Variants in CLTCL1 observed in about 807,000 individuals in gnomAD.
The protein encoded by CLTCL1 is clathrin heavy chain like 1.
Under a neutral mutation model 190.0 loss-of-function variants are expected in CLTCL1, and 159 were observed. That is an observed-to-expected ratio of 0.84 (90% CI 0.74 to 0.95). The LOEUF (loss-of-function observed/expected upper bound fraction) is 0.95, where lower values mean the gene tolerates loss of function less well. CLTCL1 is among the 40% of genes least tolerant of loss of function. CLTCL1 has a pLI of 0.00. For missense variants in CLTCL1, 1,878 were observed against 2,033.4 expected, an observed-to-expected ratio of 0.92 and a Z score of 1.47; for synonymous variants, 752 against 769.6, an observed-to-expected ratio of 0.98 and a Z score of 0.38.
intron 23 of CLTCL1, among the ~76,000 whole-genome samples, chr22:19,200,956 T>G (rs905164979): frequency 6.6e-6 from 1 of 152,250 alleles, no homozygotes; most frequent in Non-Finnish European, 1.5e-5. Context: ...TTTTTTCTAC[T>G]TGAAGATGGA....
chr22:19,183,584 G>A lies in CLTCL1; in HGVS notation c.4633C>T (p.Arg1545Trp), dbSNP rs781967644. 29 of 1,613,520 alleles carry A rather than the reference G, an allele frequency of 1.8e-5. No individual in the cohort carries two copies. Among genetic ancestry groups the A allele is most frequent in the Middle Eastern group, 3.3e-4 (2 of 6,082 alleles). Reference sequence around the variant, plus strand: ...AACTTCTGGGCCAGCTCAGCATCCCGCGACTCTGCAGCATGCTGCATGGCA... The same window carrying A: ...AACTTCTGGGCCAGCTCAGCATCCCACGACTCTGCAGCATGCTGCATGGCA... ...KDAMQHAAESRDAELAQKLLQ... is the reference protein window; with the variant it reads ...KDAMQHAAESWDAELAQKLLQ... The change falls in exon 30 of 33, where the codon CGG becomes TGG. Residue 1545 changes from arginine to tryptophan, a missense_variant. By Grantham distance (101) the Arg-to-Trp change is moderately radical. Coordinates refer to ENST00000427926, the MANE Select transcript of CLTCL1 (RefSeq NM_007098.4).
At chr22:19,265,650 T>C (rs963830113) in intron 2 of CLTCL1, among the ~76,000 whole-genome samples, 1 of 152,152 alleles carries the variant, frequency 6.6e-6, no homozygotes, top group African/African-American at 2.4e-5. Context: ...TCTGAAATCA[T>C]TTGTGATGTT....
At position 19,234,068 on chromosome 22, in the gene CLTCL1, T is replaced by G. The variant is rs149816075; in HGVS notation, c.1167+441A>C. Reference sequence around the variant, plus strand: ...ACAGATCCAGTCTCTGAACAATTTATCCAAATGAAATAAACCCAAGAAAAA... The same window carrying G: ...ACAGATCCAGTCTCTGAACAATTTAGCCAAATGAAATAAACCCAAGAAAAA... On this transcript the variant is annotated intron_variant, in intron 7 of 32. Coordinates refer to ENST00000427926, the MANE Select transcript of CLTCL1 (RefSeq NM_007098.4). 5.9e-5 allele frequency among the ~76,000 whole-genome samples: 9 copies of G among 152,306 alleles called. No individual in the cohort carries two copies. In the East Asian group the frequency reaches 1.7e-3, roughly 29 times the overall value.
chr22:19,235,752 C>T lies in CLTCL1; in HGVS notation c.913G>A (p.Val305Ile), dbSNP rs782034570. Residue 305 changes from valine to isoleucine, a missense_variant, in exon 6 of 33, where the codon GTC becomes ATC. Physicochemically the swap from Val to Ile is conservative, Grantham distance 29. Coordinates refer to ENST00000427926, the MANE Select transcript of CLTCL1 (RefSeq NM_007098.4). ...GAGGTTGGTTTGTGTGGAGCAGTGA[C>T]AAATATTGTGTCAGCACTAATACGG... is the stretch of plus-strand genomic sequence containing the variant. ...MNRISADTIFVTAPHKPTSGI... is the reference protein window; with the variant it reads ...MNRISADTIFITAPHKPTSGI... The T allele has an allele frequency of 5.0e-6, 8 of 1,613,934 alleles. No individual in the cohort carries two copies. Among genetic ancestry groups the T allele is most frequent in the Non-Finnish European group, 6.8e-6 (8 of 1,179,882 alleles).
At chr22:19,204,847 C>T (rs1314450255) in intron 22 of CLTCL1, among the ~76,000 whole-genome samples, 2 of 152,294 alleles carry the variant, frequency 1.3e-5, no homozygotes, top group African/African-American at 2.4e-5. Context: ...AGGGGAGTGA[C>T]AGCAGAAGGC....
intron 1 of CLTCL1, among the ~76,000 whole-genome samples, chr22:19,286,837 G>A (rs1364728372): frequency 6.6e-6 from 1 of 152,224 alleles, no homozygotes; most frequent in Non-Finnish European, 1.5e-5. Flanking sequence ...GTTTAAGGCT[G>A]CAGGCCATTC....
intron 18 of CLTCL1, among the ~76,000 whole-genome samples, chr22:19,219,509 A>C (rs2085499903): frequency 6.8e-6 from 1 of 146,656 alleles, no homozygotes. Context: ...TTTGAGATGG[A>C]GTCTCTGTCT....
intron 1 of CLTCL1, among the ~76,000 whole-genome samples, chr22:19,283,853 A>G (rs1555988532): frequency 6.6e-6 from 1 of 151,952 alleles, no homozygotes; most frequent in African/African-American, 2.4e-5. Flanking sequence ...TTAGCTGAGC[A>G]TGGTGGCACA....
At chr22:19,223,004 T>C (rs1157611166) in intron 14 of CLTCL1, among the ~76,000 whole-genome samples, 195 bp from the exon 15 acceptor site, 2 of 152,144 alleles carry the variant, frequency 1.3e-5, no homozygotes, top group East Asian at 3.8e-4. Flanking sequence ...GAGAAAGATA[T>C]TAGTATTTGG....
chr22:19,222,293 A>G (rs1601566563), intron 15 of CLTCL1, among the ~76,000 whole-genome samples, 200 bp from the exon 16 acceptor site: 1 of 152,190 alleles, frequency 6.6e-6, no homozygotes, highest in African/African-American at 2.4e-5. Flanking sequence ...GAAGGTAATC[A>G]ATGTCAAGGG....
intron 26 of CLTCL1, among the ~76,000 whole-genome samples, chr22:19,192,951 G>A (rs1043622980): frequency 6.6e-6 from 1 of 152,076 alleles, no homozygotes; most frequent in East Asian, 1.9e-4. Context: ...CAGGACATGG[G>A]GGCCTCAACT....
chr22:19,218,632 G>A (rs2085466881), intron 18 of CLTCL1, among the ~76,000 whole-genome samples: 1 of 152,182 alleles, frequency 6.6e-6, no homozygotes, highest in African/African-American at 2.4e-5. Flanking sequence ...GCCACTTGTT[G>A]GACGAGGGTT....
At chr22:19,187,476 G>T in intron 29 of CLTCL1, 82 bp downstream of exon 29, 1 of 1,436,006 alleles carries the variant, frequency 7.0e-7, no homozygotes, top group Non-Finnish European at 9.5e-7. Context: ...TCAGGAACAA[G>T]AGGGAAGGGA....
chr22:19,258,490 G>A, intron 2 of CLTCL1: 1 of 488,278 alleles, frequency 2.0e-6, no homozygotes, highest in Non-Finnish European at 3.9e-6. Context: ...AACAGCCTAA[G>A]GGAGGTGGAG....
chr22:19,240,244 C>G lies in CLTCL1; in HGVS notation c.682-856G>C, dbSNP rs1382945234. On this transcript the variant is annotated intron_variant, in intron 4 of 32. Transcript: ENST00000427926. ...TCCCAAAATGCTGGGATTACAGGCA[C>G]GAGCCACCACGCCCAGCCACCATAA... 2.7e-5 allele frequency among the ~76,000 whole-genome samples: 4 copies of G among 150,614 alleles called. No homozygotes were observed. In the South Asian group the frequency reaches 8.3e-4, roughly 31 times the overall value.
intron 11 of CLTCL1, among the ~76,000 whole-genome samples, chr22:19,229,617 G>A (rs1555957753): frequency 6.6e-6 from 1 of 152,192 alleles, no homozygotes; most frequent in East Asian, 1.9e-4. Context: ...AAGAAGAAAG[G>A]AAGAAATGCT....
At position 19,194,245 on chromosome 22, in the gene CLTCL1, C is replaced by T. The variant is rs924225437; in HGVS notation, c.4191+2021G>A. ...CACCCGACCCAAGAAGTCCAGGTGGCGTCACCTCTCAAGATCACCTGAGGT... is the reference window on the plus strand; with the variant it reads ...CACCCGACCCAAGAAGTCCAGGTGGTGTCACCTCTCAAGATCACCTGAGGT... On this transcript the variant is annotated intron_variant, in intron 26 of 32. Transcript: ENST00000427926. Among the ~76,000 whole-genome samples the T allele has an allele frequency of 1.4e-4, 22 of 152,260 alleles. No homozygotes were observed. The South Asian group carries it at 2.5e-3, about 17-fold the overall frequency.
At chr22:19,220,793 G>C (rs2085544032) in intron 17 of CLTCL1, among the ~76,000 whole-genome samples, 1 of 152,208 alleles carries the variant, frequency 6.6e-6, no homozygotes, top group South Asian at 2.1e-4. Flanking sequence ...CAAATGATTA[G>C]GTAGGAACAG....
Position 19,210,318 on chromosome 22 carries a change from C to G in CLTCL1, c.3249+8G>C. 6.2e-7 allele frequency: 1 copy of G among 1,612,368 alleles called. No homozygotes were observed. The highest frequency in any genetic ancestry group is 8.5e-7 in the Non-Finnish European group (1 of 1,178,704). Reference sequence around the variant, plus strand: ...CTAGGTCCGACATGCTTACACTCAGCAGCCCACCTGGATTGCTGAGGCATT... The same window carrying G: ...CTAGGTCCGACATGCTTACACTCAGGAGCCCACCTGGATTGCTGAGGCATT... On this transcript the variant is annotated splice_region_variant and intron_variant, in intron 20 of 32. Coordinates refer to ENST00000427926, the MANE Select transcript of CLTCL1 (RefSeq NM_007098.4).
Sources: gnomAD v4.1 joint callset for allele counts (sites outside exome capture counted in the v4.1 genomes callset) on GRCh38, gnomAD v4.1.1 for gene constraint, MANE v1.5 for transcripts, NCBI Gene and HGNC (gene_info 2026-07-23, HGNC 2026-07-21) for gene names.